TRPM3: variants seen among roughly 807,000 people sequenced by gnomAD.
TRPM3 encodes the protein long transient receptor potential channel 3.
A neutral mutation model predicts 181.2 loss-of-function variants in TRPM3; 77 were observed. The ratio of observed to expected loss-of-function variants is 0.42; its 90% CI spans 0.35 to 0.51. The LOEUF (loss-of-function observed/expected upper bound fraction) is 0.51. Among genes scored for constraint, TRPM3 ranks in the 20% least tolerant of loss-of-function variants. TRPM3 has a pLI of 0.01. For synonymous variants in TRPM3, 745 were observed against 796.4 expected, an observed-to-expected ratio of 0.94 and a Z score of 1.09; for missense variants, 1,759 against 2,196.7, an observed-to-expected ratio of 0.80 and a Z score of 3.98.
chr9:70,881,338 G>A (rs991182258), intron 1 of TRPM3, among the ~76,000 whole-genome samples: 10 of 151,786 alleles, frequency 6.6e-5, no homozygotes, highest in South Asian at 4.2e-4. Context: ...AATTTTCTTC[G>A]GATTACAAAA....
intron 1 of TRPM3, among the ~76,000 whole-genome samples, chr9:71,035,452 A>G (rs553076470): frequency 3.8e-4 from 58 of 152,360 alleles, no homozygotes; most frequent in Middle Eastern, 3.4e-3. Flanking sequence ...GCGGCAGCTC[A>G]TGCCTGTAAT....
intron 1 of TRPM3, among the ~76,000 whole-genome samples, chr9:71,212,482 A>T (rs1050537415): frequency 1.3e-5 from 2 of 152,182 alleles, no homozygotes; most frequent in African/African-American, 4.8e-5. Flanking sequence ...GAATATACTG[A>T]GTCAAACAAA....
At chr9:70,655,967 A>G (rs1394985744) in intron 9 of TRPM3, among the ~76,000 whole-genome samples, 2 of 152,238 alleles carry the variant, frequency 1.3e-5, no homozygotes, top group Non-Finnish European at 2.9e-5. Context: ...CTGAAAACAT[A>G]TAAAAGAGCT....
upstream of TRPM3, chr9:71,121,712 G>T: frequency 1.1e-6 from 1 of 920,858 alleles, no homozygotes; most frequent in Non-Finnish European, 1.3e-6. Context: ...TGGTTTGGGG[G>T]GGAGCCAGGA....
intron 6 of TRPM3, among the ~76,000 whole-genome samples, chr9:70,800,697 TC>T (rs2088701137): frequency 6.6e-6 from 1 of 152,242 alleles, no homozygotes; most frequent in African/African-American, 2.4e-5. Flanking sequence ...TAATATGATT[TC>T]CTTTAGCTTA....
chr9:71,121,539 G>C lies in TRPM3; in HGVS notation c.-185C>G. The stretch of plus-strand genomic sequence containing the variant: ...GGAGGCACACTGCCTGCTGCTTCGG[G>C]GAGGGGATGCACGATTTTGAAGAAG... On this transcript the variant is annotated 5_prime_UTR_variant, in exon 1 of 26. Coordinates refer to ENST00000677713, the MANE Select transcript of TRPM3 (RefSeq NM_001366145.2). The C allele has an allele frequency of 7.2e-7, 1 of 1,389,828 alleles. No homozygotes were observed. Among genetic ancestry groups the C allele is most frequent in the Non-Finnish European group, 9.3e-7 (1 of 1,074,868 alleles). 86.1% of individuals were successfully genotyped at this position (1,389,828 alleles called of 1,614,324 possible). A position where few individuals can be genotyped will look rare whatever the true frequency, so the allele number is the denominator to read the frequency against.
In TRPM3 at chr9:71,423,271, AAGTT is replaced by A. The variant is rs565150497; in HGVS notation, c.183+23378_183+23381del. Among the ~76,000 whole-genome samples, 136 of 152,240 alleles carry A rather than the reference AAGTT, an allele frequency of 8.9e-4. 1 individual carries two copies. The highest frequency in any genetic ancestry group is 8.3e-3 in the South Asian group (40 of 4,826). On this transcript the variant is annotated intron_variant, in intron 1 of 24. Coordinates refer to the TRPM3 transcript ENST00000357533. ...ATAAGAAATAGGAAAGATCCACTAA[AAGTT>A]AGAAATTCCTTAAATAATTGTTTTT... is the stretch of plus-strand genomic sequence containing the variant.
intron 1 of TRPM3, among the ~76,000 whole-genome samples, chr9:70,989,160 G>A (rs1227458203): frequency 2.6e-5 from 4 of 151,978 alleles, no homozygotes. Flanking sequence ...TACATATCAT[G>A]GAATCATATG....
At chr9:70,554,073 A>G (rs1226090377) in intron 22 of TRPM3, among the ~76,000 whole-genome samples, 1 of 151,258 alleles carries the variant, frequency 6.6e-6, no homozygotes, top group East Asian at 2.0e-4. Flanking sequence ...ATGGGGGGAA[A>G]AAAAAAGCCT....
chr9:71,343,191 C>T (rs976285105), intron 1 of TRPM3, among the ~76,000 whole-genome samples: 1 of 151,792 alleles, frequency 6.6e-6, no homozygotes, highest in African/African-American at 2.4e-5. Flanking sequence ...CTTGAGAGCG[C>T]ATAAATGTTG....
chr9:70,918,068 T>C (rs776227091), intron 1 of TRPM3, among the ~76,000 whole-genome samples: 1 of 152,052 alleles, frequency 6.6e-6, no homozygotes. Flanking sequence ...AACTATGTAA[T>C]GATATCTAAC....
chr9:70,692,075 TC>T (rs869095462), intron 8 of TRPM3, among the ~76,000 whole-genome samples: 3 of 152,102 alleles, frequency 2.0e-5, no homozygotes, highest in African/African-American at 7.2e-5. Flanking sequence ...CTTTCTTTTT[TC>T]CCCCCTGCCA....
chr9:70,802,412 G>T (rs904858546), intron 6 of TRPM3, among the ~76,000 whole-genome samples: 1 of 152,178 alleles, frequency 6.6e-6, no homozygotes, highest in Non-Finnish European at 1.5e-5. Context: ...CATAAAGAAT[G>T]AGCATGACTA....
chr9:71,287,637 GAA>G (rs34955327), intron 1 of TRPM3, among the ~76,000 whole-genome samples: 3 of 126,024 alleles, frequency 2.4e-5, no homozygotes, highest in Admixed American at 8.3e-5. Context: ...CATTTACTCA[GAA>G]AAAAAAAAAA....
intron 6 of TRPM3, among the ~76,000 whole-genome samples, chr9:70,792,455 G>A (rs928374763): frequency 6.6e-6 from 1 of 151,780 alleles, no homozygotes; most frequent in Non-Finnish European, 1.5e-5. Context: ...GGAGGAAGGA[G>A]AGAGAGAGGG....
At chr9:70,854,938 C>T (rs55961050) in intron 3 of TRPM3, among the ~76,000 whole-genome samples, 1 of 152,142 alleles carries the variant, frequency 6.6e-6, no homozygotes, top group African/African-American at 2.4e-5. Flanking sequence ...GAGTTCCAAA[C>T]AACAAATTTA....
chr9:70,757,538 G>C (rs1228608210), intron 8 of TRPM3, among the ~76,000 whole-genome samples: 1 of 152,056 alleles, frequency 6.6e-6, no homozygotes, highest in South Asian at 2.1e-4. Flanking sequence ...CAACAAAAAA[G>C]GAAAATTTCA....
At chr9:71,336,675 A>G (rs994580228) in intron 1 of TRPM3, among the ~76,000 whole-genome samples, 3 of 152,196 alleles carry the variant, frequency 2.0e-5, no homozygotes, top group Non-Finnish European at 2.9e-5. Context: ...ATAAAGCTGC[A>G]GGCATCACAC....
chr9:71,384,135 A>G (rs1416437208), intron 1 of TRPM3, among the ~76,000 whole-genome samples: 1 of 152,212 alleles, frequency 6.6e-6, no homozygotes, highest in East Asian at 1.9e-4. Context: ...GTTCATATAC[A>G]TCAGAAAACT....
Sources: allele counts gnomAD v4.1 joint callset (sites outside exome capture counted in the v4.1 genomes callset), GRCh38; gene constraint gnomAD v4.1.1; transcripts MANE v1.5; gene names NCBI Gene and HGNC (gene_info 2026-07-23, HGNC 2026-07-21).